KANSL1: variants seen among roughly 807,000 people sequenced by gnomAD.
KANSL1 encodes MLL1/MLL complex subunit KANSL1.
Under a neutral mutation model 103.6 loss-of-function variants are expected in KANSL1, and 22 were observed. The ratio of observed to expected loss-of-function variants is 0.21; its 90% CI spans 0.15 to 0.30. The LOEUF (loss-of-function observed/expected upper bound fraction) is 0.30, where lower values mean the gene tolerates loss of function less well. Ranked by LOEUF, KANSL1 falls within the 10% of genes least tolerant of loss-of-function variation. The probability of loss-of-function intolerance (pLI) is 1.00; values close to 1 mark genes in which losing one functional copy is unlikely to be tolerated. For synonymous variants in KANSL1, 600 were observed against 527.6 expected (o/e 1.14, Z -1.88); for missense variants, 1,337 against 1,399.8 (o/e 0.96, Z 0.72).
chr17:46,186,036 T>C (rs980964017), intron 1 of KANSL1, among the ~76,000 whole-genome samples: 11 of 152,084 alleles, frequency 7.2e-5, no homozygotes, highest in African/African-American at 2.7e-4. Context: ...TTGGTGTAAG[T>C]GCTCCTGAAC....
At chr17:46,037,705 T>C (rs563172517) in intron 10 of KANSL1, 1 of 152,236 alleles carries the variant, frequency 6.6e-6, no homozygotes, top group East Asian at 1.9e-4. Flanking sequence ...CACTGATCAC[T>C]GGTATGTAGT....
At chr17:46,140,102 T>C (rs1356892022) in intron 2 of KANSL1, among the ~76,000 whole-genome samples, 1 of 152,238 alleles carries the variant, frequency 6.6e-6, no homozygotes, top group Admixed American at 6.5e-5. Context: ...TAATCACTGT[T>C]AGCACTCTGG....
Position 46,171,018 on chromosome 17 carries a change from T to A in KANSL1, c.1126A>T (p.Ile376Phe). ...GLSNFLKSNS[I>F]SEELERFTAS... ...GTAAATCTCTCCAATTCTTCTGAAA[T>A]TGAATTGCTTTTCAGAAAGTTGCTA... The change falls in exon 2 of 15, where the codon ATT becomes TTT. Residue 376 changes from isoleucine (I) to phenylalanine (F), a missense_variant. This residue lies in a region of KANSL1 where 557 missense variants were observed against 476.4 expected (regional missense o/e 1.17). Coordinates refer to ENST00000432791, the MANE Select transcript of KANSL1 (RefSeq NM_015443.4). 1.2e-6 allele frequency: 2 copies of A among 1,614,228 alleles called. No individual in the cohort carries two copies. Among genetic ancestry groups the A allele is most frequent in the Non-Finnish European group, 1.7e-6 (2 of 1,180,058 alleles).
chr17:46,031,629 A>C lies in KANSL1; in HGVS notation c.3165T>G (p.Asp1055Glu). The C allele has an allele frequency of 6.2e-7, 1 of 1,613,984 alleles. No individual in the cohort carries two copies. Among genetic ancestry groups the C allele is most frequent in the Non-Finnish European group, 8.5e-7 (1 of 1,179,908 alleles). The change falls in exon 15 of 15, where the codon GAT becomes GAG. Residue 1055 changes from aspartate (D) to glutamate (E), a missense_variant. Transcript: ENST00000432791. ...TGCAGCGGGCTGCTCGCTCCTGTGC[A>C]TCCAGCTGGTCCTCACACTCCGCCT... ...SPQAECEDQLDAQERAARCTR... is the reference protein window; with the variant it reads ...SPQAECEDQLEAQERAARCTR...
chr17:46,147,588 A>ATTTT (rs1331114820), intron 2 of KANSL1, among the ~76,000 whole-genome samples: 7 of 150,254 alleles, frequency 4.7e-5, no homozygotes, highest in Admixed American at 2.0e-4. Flanking sequence ...AAAAAAAAAA[A>ATTTT]AAAAAAAAGA....
rs747564871 is a variant in KANSL1, at chr17:46,032,110, A to T, written c.3027T>A (p.Thr1009=). The T allele has an allele frequency of 6.2e-7, 1 of 1,614,012 alleles. No homozygotes were observed. Among genetic ancestry groups the T allele is most frequent in the South Asian group, 1.1e-5 (1 of 91,070 alleles). ...TATCCTCACTGGCTAAGTGTCGCGG[A>T]GTGTCCCGAGCCACAGGGGTGAGGG... ...SAPLTPVARD[T]PRHLASEDTR... The change falls in exon 14 of 15, where the codon ACT becomes ACA. Residue 1009 remains threonine (T), a synonymous_variant. Coordinates refer to ENST00000432791, the MANE Select transcript of KANSL1 (RefSeq NM_015443.4).
At chr17:46,216,975 T>A (rs1310509972) in intron 1 of KANSL1, among the ~76,000 whole-genome samples, 1 of 151,950 alleles carries the variant, frequency 6.6e-6, no homozygotes, top group Non-Finnish European at 1.5e-5. Flanking sequence ...GATGTGGTAG[T>A]GTGCACCTGT....
rs777989079 is a variant in KANSL1, at chr17:46,046,462, C to T, written c.2020+4071G>A. ...GGAGAATCACCTGATCCTGGGAGGC[C>T]GATGCTGCAATGAGCCAAAAACCAC... is the stretch of plus-strand genomic sequence containing the variant. On this transcript the variant is annotated intron_variant, in intron 7 of 14. Transcript: ENST00000432791. Among the ~76,000 whole-genome samples the T allele has an allele frequency of 5.2e-5, 7 of 134,466 alleles. No individual in the cohort carries two copies. In the East Asian group the frequency reaches 6.9e-4, roughly 13 times the overall value. 88.2% of individuals were successfully genotyped at this position (134,466 alleles called of 152,430 possible). A position where few individuals can be genotyped will look rare whatever the true frequency, so the allele number is the denominator to read the frequency against.
intron 2 of KANSL1, among the ~76,000 whole-genome samples, chr17:46,120,998 C>T (rs1426702426): frequency 6.6e-6 from 1 of 152,214 alleles, no homozygotes; most frequent in Non-Finnish European, 1.5e-5. Flanking sequence ...CTTCCATCCA[C>T]TTGCTCAGAC....
chr17:46,135,819 C>T (rs1311506794), intron 2 of KANSL1, among the ~76,000 whole-genome samples: 1 of 151,190 alleles, frequency 6.6e-6, no homozygotes, highest in African/African-American at 2.4e-5. Context: ...GTGTGAGCCA[C>T]TGCACCTGGC....
At chr17:46,106,424 G>C (rs79923708) in intron 2 of KANSL1, among the ~76,000 whole-genome samples, 1 of 152,058 alleles carries the variant, frequency 6.6e-6, no homozygotes, top group Admixed American at 6.5e-5. Flanking sequence ...ATGGAGTCTC[G>C]CTCTTTCGCC....
chr17:46,092,496 A>G lies in KANSL1; in HGVS notation c.1431+2064T>C, dbSNP rs564499491. Reference sequence around the variant, plus strand: ...TTTGACTGAGATAAAGATATTTATCATGGCATATTTAATTTAAATAACAAA... The same window carrying G: ...TTTGACTGAGATAAAGATATTTATCGTGGCATATTTAATTTAAATAACAAA... On this transcript the variant is annotated intron_variant, in intron 3 of 14. Transcript: ENST00000432791. Among the ~76,000 whole-genome samples the G allele has an allele frequency of 2.5e-4, 38 of 152,336 alleles. No individual in the cohort carries two copies. In the South Asian group the frequency reaches 7.5e-3, roughly 30 times the overall value.
At chr17:46,040,940 G>C (rs1323240601) in intron 7 of KANSL1, 3 of 152,192 alleles carry the variant, frequency 2.0e-5, no homozygotes, top group Non-Finnish European at 4.4e-5. Flanking sequence ...GAGTTTGCAG[G>C]GTTCAGAAGA....
chr17:46,112,406 C>T (rs1049795252), intron 2 of KANSL1, among the ~76,000 whole-genome samples: 15 of 142,812 alleles, frequency 1.1e-4, no homozygotes, highest in Non-Finnish European at 1.7e-4. Context: ...GAATCCAGAC[C>T]GGGAGTGGTG....
At chr17:46,038,500 CA>C in intron 10 of KANSL1, 37 bp downstream of exon 10, 6 of 1,607,392 alleles carry the variant, frequency 3.7e-6, no homozygotes, top group Non-Finnish European at 5.1e-6. Flanking sequence ...CTGTGACCTG[CA>C]GAGGGGGTGT....
At chr17:46,064,966 T>G (rs77184207) in intron 6 of KANSL1, among the ~76,000 whole-genome samples, 21,686 of 151,436 alleles carry the variant, frequency 0.14, 2,095 homozygotes, top group Non-Finnish European at 0.22. Flanking sequence ...TGTGTTTTTT[T>G]TGTTTGTTTT....
At chr17:46,199,617 A>G (rs2047727628) in intron 1 of KANSL1, among the ~76,000 whole-genome samples, 1 of 152,254 alleles carries the variant, frequency 6.6e-6, no homozygotes. Context: ...TTTCCTCCTC[A>G]TACTACTGAT....
chr17:46,211,785 T>C (rs2048177078), intron 1 of KANSL1, among the ~76,000 whole-genome samples: 1 of 152,280 alleles, frequency 6.6e-6, no homozygotes. Context: ...TATTTCTTTA[T>C]ATAACAGATA....
chr17:46,225,012 C>G (rs1453707668), upstream of KANSL1: 2 of 151,386 alleles, frequency 1.3e-5, no homozygotes, highest in Non-Finnish European at 2.9e-5. Flanking sequence ...CCGCTCCGCG[C>G]CCCCGGCCGC....
Sources: allele counts gnomAD v4.1 joint callset (sites outside exome capture counted in the v4.1 genomes callset), GRCh38; gene constraint gnomAD v4.1.1; regional missense constraint gnomAD v4.1.1; transcripts MANE v1.5; gene names NCBI Gene and HGNC (gene_info 2026-07-23, HGNC 2026-07-21).